IL1RAPL2: variants seen among roughly 807,000 people sequenced by gnomAD.
IL1RAPL2 encodes interleukin 1 receptor accessory protein like 2.
Under a neutral mutation model 44.1 loss-of-function variants are expected in IL1RAPL2, and 3 were observed. The ratio of observed to expected loss-of-function variants is 0.07; its 90% CI spans 0.03 to 0.18. The LOEUF (loss-of-function observed/expected upper bound fraction) is 0.18. Among genes scored for constraint, IL1RAPL2 ranks in the 10% least tolerant of loss-of-function variants. The pLI is 1.00. For missense variants in IL1RAPL2, 391 were observed against 496.4 expected (o/e 0.79, Z 2.02); for synonymous variants, 181 against 178.8 (o/e 1.01, Z -0.10).
rs760621254 is a variant in IL1RAPL2, at chrX:104,699,106, G to C, written c.82+40111G>C. Among the ~76,000 whole-genome samples, 7 of 111,525 alleles carry C rather than the reference G, an allele frequency of 6.3e-5. No individual in the cohort carries two copies. The South Asian group carries it at 2.7e-3, about 43-fold the overall frequency. The stretch of plus-strand genomic sequence containing the variant: ...TCCATTGTTGTTCTGCCATCATCTA[G>C]ACCAGCGGTCCCCAACCTTTTTTAC... On this transcript the variant is annotated intron_variant, in intron 2 of 10. Coordinates refer to ENST00000372582, the MANE Select transcript of IL1RAPL2 (RefSeq NM_017416.2).
intron 2 of IL1RAPL2, among the ~76,000 whole-genome samples, chrX:104,751,626 T>A (rs1442679752): frequency 9.0e-6 from 1 of 111,490 alleles, no homozygotes; most frequent in Non-Finnish European, 1.9e-5. Flanking sequence ...GGACTTGGGC[T>A]AGAACAAGTA....
chrX:105,412,599 C>A lies in IL1RAPL2; in HGVS notation c.698-71714C>A, dbSNP rs190032684. Among the ~76,000 whole-genome samples, 371 of 110,833 alleles carry A rather than the reference C, an allele frequency of 3.3e-3. 1 individual carries two copies. The highest frequency in any genetic ancestry group is 6.0e-3 in the Non-Finnish European group (319 of 52,840). On this transcript the variant is annotated intron_variant, in intron 5 of 10. Transcript: ENST00000372582. ...AAGGATGTGGCGAAGTTGGTCAATGCATGCTAAGATACAATTAGAAGGAAG... is the reference window on the plus strand; with the variant it reads ...AAGGATGTGGCGAAGTTGGTCAATGAATGCTAAGATACAATTAGAAGGAAG...
rs59014220 is a variant in IL1RAPL2, at chrX:105,542,698, TA to T, written c.772+58312del. ...TTTTTTATTTTTTATATTTTTTATT[TA>T]TTTATTTATTTATTTATTTATTTAT... On this transcript the variant is annotated intron_variant, in intron 6 of 10. Transcript: ENST00000372582. Among the ~76,000 whole-genome samples the T allele has an allele frequency of 3.0e-3, 262 of 87,081 alleles. 4 individuals are homozygous for T. The highest frequency in any genetic ancestry group is 8.6e-3 in the African/African-American group (230 of 26,776). The allele number at this position is 87,081 out of a possible 115,157, so 75.6% of individuals were successfully genotyped here.
At position 105,340,556 on chromosome X, in the gene IL1RAPL2, G is replaced by A. The variant is rs191436029; in HGVS notation, c.697+73015G>A. Among the ~76,000 whole-genome samples, 3 of 111,910 alleles carry A rather than the reference G, an allele frequency of 2.7e-5. No individual in the cohort carries two copies. In the Admixed American group the frequency reaches 2.8e-4, roughly 11 times the overall value. On this transcript the variant is annotated intron_variant, in intron 5 of 10. Coordinates refer to ENST00000372582, the MANE Select transcript of IL1RAPL2 (RefSeq NM_017416.2). ...TCTCTCCTTCACTCCCTTCACTTCA[G>A]CCACATTGGCCACCTTGATGTTCCT...
intron 2 of IL1RAPL2, among the ~76,000 whole-genome samples, chrX:105,169,477 T>C (rs1269194253): frequency 9.7e-6 from 1 of 102,682 alleles, no homozygotes; most frequent in African/African-American, 3.7e-5. Context: ...TGAGAAACTT[T>C]CAGTTTCTTT....
intron 2 of IL1RAPL2, among the ~76,000 whole-genome samples, chrX:105,133,013 A>G (rs1859494692): frequency 8.9e-6 from 1 of 112,195 alleles, no homozygotes; most frequent in Admixed American, 9.5e-5. Context: ...AAGTAACATC[A>G]CTTTCCCTAT....
intron 2 of IL1RAPL2, among the ~76,000 whole-genome samples, chrX:104,940,047 A>C (rs1925125711): frequency 9.0e-6 from 1 of 111,730 alleles, no homozygotes; most frequent in Non-Finnish European, 1.9e-5. Context: ...CTGTGAATAT[A>C]CTAAAAACAT....
At chrX:104,828,864 C>T (rs963285867) in intron 2 of IL1RAPL2, among the ~76,000 whole-genome samples, 3 of 112,758 alleles carry the variant, frequency 2.7e-5, no homozygotes, top group East Asian at 2.8e-4. Flanking sequence ...CTGACTACAG[C>T]GGCTTTGCAG....
At position 104,920,562 on chromosome X, in the gene IL1RAPL2, T is replaced by G. The variant is rs761137028; in HGVS notation, c.82+261567T>G. 8.7e-5 allele frequency among the ~76,000 whole-genome samples: 9 copies of G among 103,673 alleles called. 1 individual carries two copies. In the East Asian group the frequency reaches 2.8e-3, roughly 32 times the overall value. The allele number at this position is 103,673 out of a possible 115,157, so 90.0% of individuals were successfully genotyped here. On this transcript the variant is annotated intron_variant, in intron 2 of 10. Transcript: ENST00000372582. ...CTCTCTTGCTCCTGCTTTCATCATG[T>G]GACGTGCCTGCTTCTGCTTGGCCTT...
intron 2 of IL1RAPL2, among the ~76,000 whole-genome samples, chrX:104,793,347 A>G (rs1215732990): frequency 2.7e-5 from 3 of 112,040 alleles, no homozygotes; most frequent in African/African-American, 6.5e-5. Context: ...CCTCTTCACC[A>G]TTATATCACC....
At chrX:104,632,434 G>C (rs1407124744) in intron 1 of IL1RAPL2, among the ~76,000 whole-genome samples, 1 of 111,727 alleles carries the variant, frequency 9.0e-6, no homozygotes, top group Non-Finnish European at 1.9e-5. Context: ...ACCTTGGACA[G>C]TGTGGCCATT....
chrX:105,558,236 A>C (rs1039499196), intron 6 of IL1RAPL2, among the ~76,000 whole-genome samples: 7 of 111,458 alleles, frequency 6.3e-5, no homozygotes, highest in African/African-American at 2.3e-4. Context: ...TTCGTGTCTC[A>C]AAATCTTTTC....
chrX:104,677,766 C>T (rs1930805880), intron 2 of IL1RAPL2, among the ~76,000 whole-genome samples: 1 of 112,026 alleles, frequency 8.9e-6, no homozygotes, highest in Non-Finnish European at 1.9e-5. Flanking sequence ...GGGGTAGGAC[C>T]CTCCATGCCA....
intron 2 of IL1RAPL2, among the ~76,000 whole-genome samples, chrX:104,820,256 T>A (rs1176500772): frequency 8.9e-6 from 1 of 111,753 alleles, no homozygotes; most frequent in African/African-American, 3.3e-5. Flanking sequence ...CATCCGTTGT[T>A]ATTGGTATCA....
At chrX:105,141,020 G>T in intron 2 of IL1RAPL2, among the ~76,000 whole-genome samples, 1 of 111,676 alleles carries the variant, frequency 9.0e-6, no homozygotes, top group Admixed American at 9.5e-5. Flanking sequence ...TCTGATAAAT[G>T]AATCTATAAT....
In IL1RAPL2 at chrX:105,640,745, TAGATATAGATATA is replaced by T. The variant is rs1247519085; in HGVS notation, c.773-76621_773-76609del. ...ACATATCTATATATATAGATATAGA[TAGATATAGATATA>T]GATATAGATATAGATATAGATATAG... On this transcript the variant is annotated intron_variant, in intron 6 of 10. Coordinates refer to ENST00000372582, the MANE Select transcript of IL1RAPL2 (RefSeq NM_017416.2). 6.4e-3 allele frequency among the ~76,000 whole-genome samples: 37 copies of T among 5,777 alleles called. 1 individual carries two copies. The highest frequency in any genetic ancestry group is 0.019 in the African/African-American group (36 of 1,910). 5.0% of individuals were successfully genotyped at this position (5,777 alleles called of 115,157 possible).
chrX:104,910,443 C>A (rs1214757566), intron 2 of IL1RAPL2, among the ~76,000 whole-genome samples: 4 of 111,930 alleles, frequency 3.6e-5, no homozygotes, highest in Non-Finnish European at 7.5e-5. Flanking sequence ...TAGGTATACA[C>A]ATGGCATGGT....
intron 5 of IL1RAPL2, among the ~76,000 whole-genome samples, chrX:105,459,135 G>T (rs754807995): frequency 5.4e-5 from 6 of 111,615 alleles, no homozygotes; most frequent in African/African-American, 9.8e-5. Context: ...CAATGTTCTC[G>T]TTGCTTTTAT....
chrX:105,204,712 G>A (rs2147616797), intron 3 of IL1RAPL2, among the ~76,000 whole-genome samples: 1 of 111,540 alleles, frequency 9.0e-6, no homozygotes, highest in East Asian at 2.8e-4. Context: ...TCTGGAGCTG[G>A]ACTGCTTGGA....
Sources: gnomAD v4.1 joint callset for allele counts (sites outside exome capture counted in the v4.1 genomes callset) on GRCh38, gnomAD v4.1.1 for gene constraint, MANE v1.5 for transcripts, NCBI Gene and HGNC (gene_info 2026-07-23, HGNC 2026-07-21) for gene names.